SMARCA2: variants seen among roughly 807,000 people sequenced by gnomAD.
SMARCA2 encodes the protein SWI/SNF-related matrix-associated actin-dependent regulator of chromatin subfamily A member 2.
A neutral mutation model predicts 199.8 loss-of-function variants in SMARCA2; 61 were observed. The observed-to-expected ratio is 0.31, with a 90% CI of 0.25 to 0.38. The LOEUF (loss-of-function observed/expected upper bound fraction) is 0.38. Among genes scored for constraint, SMARCA2 ranks in the 10% least tolerant of loss-of-function variants. The pLI is 1.00. For missense variants in SMARCA2, 1,344 were observed against 2,012.2 expected (o/e 0.67, Z 6.35); for synonymous variants, 935 against 732.0 (o/e 1.28, Z -4.48).
chr9:2,133,173 A>G (rs1293735120), intron 27 of SMARCA2, among the ~76,000 whole-genome samples: 3 of 152,394 alleles, frequency 2.0e-5, no homozygotes, highest in East Asian at 1.9e-4. Context: ...ATTTCACATT[A>G]TCTTTTAATG....
intron 30 of SMARCA2, among the ~76,000 whole-genome samples, 177 bp from the exon 31 acceptor site, chr9:2,181,964 T>C (rs1827061765): frequency 6.6e-6 from 1 of 152,184 alleles, no homozygotes; most frequent in Non-Finnish European, 1.5e-5. Context: ...GGAATGACAG[T>C]GGGAGTGGGA....
chr9:2,173,397 C>G (rs542474853), intron 29 of SMARCA2, among the ~76,000 whole-genome samples: 2 of 152,052 alleles, frequency 1.3e-5, no homozygotes, highest in African/African-American at 4.8e-5. Context: ...TAAATGAGAG[C>G]GAGAGGCTGT....
intron 5 of SMARCA2, among the ~76,000 whole-genome samples, chr9:2,052,312 A>G (rs936452104): frequency 1.3e-5 from 2 of 152,190 alleles, no homozygotes; most frequent in Non-Finnish European, 2.9e-5. Context: ...CGTCTCTACT[A>G]AAAATACAAA....
At position 2,123,702 on chromosome 9, in the gene SMARCA2, C is replaced by T; in HGVS notation, c.3763-17C>T. On this transcript the variant is annotated splice_polypyrimidine_tract_variant and intron_variant, in intron 26 of 33. Transcript: ENST00000349721. The surrounding 1 kb of genome is among the most constrained non-coding windows in gnomAD (Gnocchi z 4.1). ...AGAAGCCCTGACTTTCGGTGACCCT[C>T]TTATTAATGTCTCCAGCGGATGGAC... 5 of 1,611,912 alleles carry T rather than the reference C, an allele frequency of 3.1e-6. No homozygotes were observed. The highest frequency in any genetic ancestry group is 4.2e-6 in the Non-Finnish European group (5 of 1,178,320).
intron 5 of SMARCA2, among the ~76,000 whole-genome samples, 164 bp from the exon 6 acceptor site, chr9:2,054,433 C>G (rs1820260131): frequency 6.6e-6 from 1 of 152,242 alleles, no homozygotes; most frequent in Non-Finnish European, 1.5e-5. Context: ...TAGCTTTTCT[C>G]TGCTTAACAT....
rs2130623884 is a variant in SMARCA2 at position 2,123,110 on chromosome 9, A to G, written c.3763-609A>G. Among the ~76,000 whole-genome samples the G allele has an allele frequency of 6.6e-6, 1 of 152,260 alleles. No homozygotes were observed. Among genetic ancestry groups the G allele is most frequent in the East Asian group, 1.9e-4 (1 of 5,206 alleles). The stretch of plus-strand genomic sequence containing the variant: ...CTTAAAATGTAAAGAATTGAAGAGC[A>G]TTCCTCAGACAGTGCCCATGAGGTA... On this transcript the variant is annotated intron_variant, in intron 26 of 33. Transcript: ENST00000349721. The surrounding 1 kb of genome is among the most constrained non-coding windows in gnomAD (Gnocchi z 4.1).
At chr9:2,192,585 T>G (rs1827960850) in intron 33 of SMARCA2, 119 bp from the exon 34 acceptor site, 5 of 769,466 alleles carry the variant, frequency 6.5e-6, no homozygotes, top group Non-Finnish European at 9.5e-6. Context: ...GGAAAGAGAT[T>G]TGGCGAGTTG....
At chr9:2,164,178 G>A (rs1187087921) in intron 28 of SMARCA2, among the ~76,000 whole-genome samples, 1 of 152,144 alleles carries the variant, frequency 6.6e-6, no homozygotes, top group Admixed American at 6.5e-5. Flanking sequence ...TCATTCATTT[G>A]TATTACCTGC....
At chr9:2,064,669 C>T (rs897436356) in intron 9 of SMARCA2, among the ~76,000 whole-genome samples, 1 of 152,130 alleles carries the variant, frequency 6.6e-6, no homozygotes, top group Non-Finnish European at 1.5e-5. Context: ...TCTTTAAATA[C>T]TGAGGCATGC....
intron 19 of SMARCA2, among the ~76,000 whole-genome samples, chr9:2,092,594 A>C (rs971216724): frequency 1.3e-5 from 2 of 152,250 alleles, no homozygotes; most frequent in Admixed American, 1.3e-4. Flanking sequence ...ACAAAGTTCA[A>C]ATACTTCTAC....
At chr9:2,125,794 G>A (rs572801425) in intron 27 of SMARCA2, among the ~76,000 whole-genome samples, 4 of 152,152 alleles carry the variant, frequency 2.6e-5, no homozygotes, top group African/African-American at 7.2e-5. Context: ...CTGGCTGGGC[G>A]AAATTTTTAA....
chr9:2,187,803 G>T (rs1247944033), intron 32 of SMARCA2, among the ~76,000 whole-genome samples: 1 of 152,042 alleles, frequency 6.6e-6, no homozygotes, highest in African/African-American at 2.4e-5. Flanking sequence ...TATAAGCCGA[G>T]CCCAGTGGCT....
intron 27 of SMARCA2, chr9:2,159,753 A>G: frequency 6.5e-7 from 1 of 1,545,954 alleles, no homozygotes; most frequent in Non-Finnish European, 8.7e-7. Context: ...TTTCAGTAAA[A>G]TAAAATTACT....
chr9:2,156,414 C>CTTTTTTTTTT lies in SMARCA2; in HGVS notation c.3982-5249_3982-5240dup, dbSNP rs57161267. On this transcript the variant is annotated intron_variant, in intron 27 of 33. Coordinates refer to ENST00000349721, the MANE Select transcript of SMARCA2 (RefSeq NM_003070.5). ...ATACCATAAAGTTTACCATTTTAGACTTTTTTTTTTTTTTTTTTTTTTTTT... is the reference window on the plus strand; with the variant it reads ...ATACCATAAAGTTTACCATTTTAGACTTTTTTTTTTTTTTTTTTTTTTTTTTTTTTTTTTT... Among the ~76,000 whole-genome samples the CTTTTTTTTTT allele has an allele frequency of 3.3e-4, 23 of 69,162 alleles. 2 individuals carry two copies. The highest frequency in any genetic ancestry group is 7.7e-4 in the African/African-American group (11 of 14,336). 45.4% of individuals were successfully genotyped at this position (69,162 alleles called of 152,430 possible). A position where few individuals can be genotyped will look rare whatever the true frequency, so the allele number is the denominator to read the frequency against.
chr9:2,190,354 C>CAA (rs1827790629), intron 32 of SMARCA2, among the ~76,000 whole-genome samples: 1 of 152,282 alleles, frequency 6.6e-6, no homozygotes, highest in South Asian at 2.1e-4. Flanking sequence ...AAAAAAGCAG[C>CAA]AAACTTCAGC....
chr9:2,071,294 C>T (rs1010881504), intron 10 of SMARCA2, among the ~76,000 whole-genome samples: 2 of 152,276 alleles, frequency 1.3e-5, no homozygotes, highest in East Asian at 3.9e-4. Flanking sequence ...ACCTCTTGAA[C>T]AATAAATGTT....
chr9:2,125,749 C>T (rs1823660181), intron 27 of SMARCA2, among the ~76,000 whole-genome samples: 1 of 152,154 alleles, frequency 6.6e-6, no homozygotes, highest in African/African-American at 2.4e-5. Context: ...CTTGGCCTCC[C>T]AAAGTGCTGG....
chr9:2,056,686 G>T lies in SMARCA2; in HGVS notation c.1188G>T (p.Val396=), dbSNP rs372968761. 62 of 1,613,644 alleles carry T rather than the reference G, an allele frequency of 3.8e-5. No homozygotes were observed. In the East Asian group the frequency reaches 5.8e-4, roughly 15 times the overall value. The change falls in exon 7 of 34, where the codon GTG becomes GTT. Residue 396 remains valine, a synonymous_variant. Transcript: ENST00000349721. This position sits in a 1 kb window ranked among gnomAD's most constrained non-coding sequence, Gnocchi z 4.0. ...CTTCTTGACAGCTGAGACAGGAGGT[G>T]GTGGCCTGCATGCGCAGGGACACGA... ...LNFQRQLRQE[V]VACMRRDTTL... is the part of the protein sequence containing the mutation.
intron 5 of SMARCA2, among the ~76,000 whole-genome samples, chr9:2,053,182 A>C (rs1346645341): frequency 6.6e-6 from 1 of 152,066 alleles, no homozygotes. Flanking sequence ...ATGTCCATGA[A>C]TACCCAGTGT....
Sources: allele counts gnomAD v4.1 joint callset (sites outside exome capture counted in the v4.1 genomes callset), GRCh38; gene constraint gnomAD v4.1.1; non-coding constraint Gnocchi (gnomAD v3.1); transcripts MANE v1.5; gene names NCBI Gene and HGNC (gene_info 2026-07-23, HGNC 2026-07-21).